The following PKLR variants were observed in gnomAD, a reference collection of about 807,000 sequenced individuals.
PKLR encodes the protein pyruvate kinase PKLR.
PKLR carries 38 observed loss-of-function variants against 53.6 expected under a neutral mutation model. The ratio of observed to expected loss-of-function variants is 0.71; its 90% CI spans 0.55 to 0.93. The LOEUF (loss-of-function observed/expected upper bound fraction) is 0.93, where lower values mean the gene tolerates loss of function less well. PKLR is among the 40% of genes least tolerant of loss of function. The pLI is 0.00. For missense variants in PKLR, 702 were observed against 787.3 expected (o/e 0.89, Z 1.30); for synonymous variants, 328 against 316.2 (o/e 1.04, Z -0.39).
At position 155,296,635 on chromosome 1, in the gene PKLR, G is replaced by A. The variant is rs559239362; in HGVS notation, c.284-879C>T. On this transcript the variant is annotated intron_variant, in intron 2 of 10. Transcript: ENST00000342741. ...GCTGGGATTACAGGTGTGAGTCACC[G>A]TGCCCAGCCATGTTTTCCTTTTTTA... Among the ~76,000 whole-genome samples the A allele has an allele frequency of 2.0e-5, 3 of 152,046 alleles. No individual in the cohort carries two copies. The East Asian group carries it at 5.8e-4, about 29-fold the overall frequency.
chr1:155,292,266 C>T (rs1450204464), intron 9 of PKLR, among the ~76,000 whole-genome samples: 1 of 137,256 alleles, frequency 7.3e-6, no homozygotes, highest in African/African-American at 2.9e-5. Flanking sequence ...GAATGCCTGC[C>T]CTCCCTACCA....
chr1:155,295,579 G>C lies in PKLR; in HGVS notation c.376-11C>G, dbSNP rs1647538523. The stretch of plus-strand genomic sequence containing the variant: ...GGACTCAGCATGGTACTGGGGGAGG[G>C]AGCGGAGCGAGGGTTTCAGGGGAAG... On this transcript the variant is annotated splice_polypyrimidine_tract_variant and intron_variant, in intron 3 of 10. Coordinates refer to ENST00000342741, the MANE Select transcript of PKLR (RefSeq NM_000298.6). This position sits in a 1 kb window ranked among gnomAD's most constrained non-coding sequence, Gnocchi z 4.3. 2.5e-5 allele frequency: 40 copies of C among 1,614,078 alleles called. No homozygotes were observed. The highest frequency in any genetic ancestry group is 3.4e-5 in the Non-Finnish European group (40 of 1,179,996).
chr1:155,301,078 G>C, intron 1 of PKLR: 1 of 1,507,658 alleles, frequency 6.6e-7, no homozygotes, highest in Non-Finnish European at 9.0e-7. Context: ...AGTGCCCCGT[G>C]GCTTACATGC....
In PKLR at chr1:155,290,366, T is replaced by G. The variant is rs1572049607; in HGVS notation, c.*206A>C. 1 of 596,026 alleles carries G rather than the reference T, an allele frequency of 1.7e-6. No homozygotes were observed. The highest frequency in any genetic ancestry group is 3.0e-6 in the Non-Finnish European group (1 of 332,380). The allele number at this position is 596,026 out of a possible 1,614,324, so 36.9% of individuals were successfully genotyped here. On this transcript the variant is annotated 3_prime_UTR_variant, in exon 11 of 11. Coordinates refer to ENST00000342741, the MANE Select transcript of PKLR (RefSeq NM_000298.6). ...TAATTGGACACAGACTTTCAGGACC[T>G]GTGTGAAATGGAGATGGGGAAGGGG...
At chr1:155,297,298 G>A (rs1647653010) in intron 2 of PKLR, among the ~76,000 whole-genome samples, 1 of 152,030 alleles carries the variant, frequency 6.6e-6, no homozygotes, top group African/African-American at 2.4e-5. Flanking sequence ...GACTCAACAT[G>A]TCCCAAGCAA....
chr1:155,291,496 A>C (rs987120965), intron 10 of PKLR, among the ~76,000 whole-genome samples: 1 of 147,500 alleles, frequency 6.8e-6, no homozygotes, highest in African/African-American at 2.5e-5. Context: ...CTCTCTCTCA[A>C]AAAAAAAAAA....
At position 155,293,781 on chromosome 1, in the gene PKLR, A is replaced by C. The variant is rs867429139; in HGVS notation, c.1117-191T>G. On this transcript the variant is annotated intron_variant, in intron 7 of 10. Transcript: ENST00000342741. The surrounding 1 kb of genome is among the most constrained non-coding windows in gnomAD (Gnocchi z 4.2). The stretch of plus-strand genomic sequence containing the variant: ...TCACAACCCCTGAAAATAGGGGTCA[A>C]AGTATATTTAACTTTGTCGTTTGAG... Among the ~76,000 whole-genome samples, 4 of 152,164 alleles carry C rather than the reference A, an allele frequency of 2.6e-5. No individual in the cohort carries two copies. Among genetic ancestry groups the C allele is most frequent in the African/African-American group, 7.2e-5 (3 of 41,430 alleles).
chr1:155,302,409 G>C (rs1360750806), upstream of PKLR, among the ~76,000 whole-genome samples: 1 of 150,234 alleles, frequency 6.7e-6, no homozygotes, highest in East Asian at 2.0e-4. Context: ...GCTAATTTTT[G>C]TATTTTTAGT....
At position 155,290,606 on chromosome 1, in the gene PKLR, TAGCCGG is replaced by T. The variant is rs1374729928; in HGVS notation, c.1685_1690del (p.Ser562_Gly563del). ...GCTTAGCACCCGCATGATGTTGGTG[TAGCCGG>T]AGCCAGGTCGCCAGCCTGTCACCAC... On this transcript the variant is annotated inframe_deletion, in exon 11 of 11. Transcript: ENST00000342741. The T allele has an allele frequency of 6.2e-7, 1 of 1,612,952 alleles. No homozygotes were observed. The highest frequency in any genetic ancestry group is 1.3e-5 in the African/African-American group (1 of 74,808).
At chr1:155,305,504 T>C (rs968634461), upstream of PKLR, among the ~76,000 whole-genome samples, 4 of 152,120 alleles carry the variant, frequency 2.6e-5, no homozygotes, top group Admixed American at 6.5e-5. Context: ...TTTCTGTATA[T>C]AGAAGACACA....
upstream of PKLR, among the ~76,000 whole-genome samples, chr1:155,303,455 G>A (rs1417541579): frequency 2.0e-5 from 3 of 152,208 alleles, no homozygotes; most frequent in East Asian, 5.8e-4. Flanking sequence ...GAGCAAAACA[G>A]ACAGGGCCTT....
At chr1:155,298,953 CCTTTCTTTCTTTCTTTCTTTCTTTCTTT>C (rs530027982) in intron 2 of PKLR, among the ~76,000 whole-genome samples, 89 of 103,932 alleles carry the variant, frequency 8.6e-4, no homozygotes, top group Admixed American at 1.4e-3. Flanking sequence ...AACTTTCACT[CCTTTCTTTCTTTCTTTCTTTCTTTCTTT>C]CTTTCTTTCT....
intron 6 of PKLR, 32 bp from the exon 7 acceptor site, chr1:155,294,417 G>C (rs1164486236): frequency 1.9e-6 from 3 of 1,614,232 alleles, no homozygotes; most frequent in Non-Finnish European, 2.5e-6. Flanking sequence ...GGCAGAGGCA[G>C]GCAGGAGAAG....
upstream of PKLR, among the ~76,000 whole-genome samples, chr1:155,302,202 C>G (rs188320697): frequency 1.5e-4 from 22 of 151,268 alleles, no homozygotes; most frequent in East Asian, 4.3e-3. Flanking sequence ...ACCACCACAC[C>G]CAGCTAATTT....
chr1:155,300,844 C>A (rs1397716496), intron 1 of PKLR: 1 of 1,608,774 alleles, frequency 6.2e-7, no homozygotes, highest in East Asian at 2.2e-5. Context: ...TAGCTTGACC[C>A]ATCCCAGTTC....
At chr1:155,294,863 C>A in intron 5 of PKLR, 111 bp from the exon 6 acceptor site, 13 of 1,337,306 alleles carry the variant, frequency 9.7e-6, no homozygotes, top group Non-Finnish European at 1.3e-5. Flanking sequence ...ATGTCCTCCT[C>A]ATCTCTCCGC....
chr1:155,301,862 C>A (rs1648016233), upstream of PKLR, among the ~76,000 whole-genome samples: 1 of 152,026 alleles, frequency 6.6e-6, no homozygotes, highest in Non-Finnish European at 1.5e-5. Flanking sequence ...CACTCTGTAA[C>A]CTGGCCAGCT....
At chr1:155,292,075 T>G in intron 9 of PKLR, 138 bp from the exon 10 acceptor site, 1 of 793,242 alleles carries the variant, frequency 1.3e-6, no homozygotes, top group Middle Eastern at 3.6e-4. Context: ...TGGGCCTTGG[T>G]GTTCTCACCT....
In PKLR at chr1:155,295,588, G is replaced by C. The variant is rs372561238; in HGVS notation, c.376-20C>G. The C allele has an allele frequency of 1.2e-6, 2 of 1,614,048 alleles. No homozygotes were observed. The highest frequency in any genetic ancestry group is 1.7e-6 in the Non-Finnish European group (2 of 1,179,992). Reference sequence around the variant, plus strand: ...ATGGTACTGGGGGAGGGAGCGGAGCGAGGGTTTCAGGGGAAGGTGGCCAGG... The same window carrying C: ...ATGGTACTGGGGGAGGGAGCGGAGCCAGGGTTTCAGGGGAAGGTGGCCAGG... On this transcript the variant is annotated intron_variant, in intron 3 of 10. Transcript: ENST00000342741. This position sits in a 1 kb window ranked among gnomAD's most constrained non-coding sequence, Gnocchi z 4.3.
Sources: gnomAD v4.1 joint callset for allele counts (sites outside exome capture counted in the v4.1 genomes callset) on GRCh38, gnomAD v4.1.1 for gene constraint, Gnocchi (gnomAD v3.1) non-coding constraint, MANE v1.5 for transcripts, NCBI Gene and HGNC (gene_info 2026-07-23, HGNC 2026-07-21) for gene names.